The following VNN2 variants were observed in gnomAD, a reference collection of about 807,000 sequenced individuals.
VNN2 encodes pantetheine hydrolase VNN2.
VNN2 carries 43 observed loss-of-function variants against 43.0 expected under a neutral mutation model. The observed-to-expected ratio is 1.00, with a 90% CI of 0.78 to 1.29. The LOEUF (loss-of-function observed/expected upper bound fraction) is 1.29, where lower values mean the gene tolerates loss of function less well. Ranked by LOEUF, VNN2 falls within the 50% of genes most tolerant of loss-of-function variation. The pLI is 0.00. For synonymous variants in VNN2, 230 were observed against 224.3 expected, an observed-to-expected ratio of 1.03 and a Z score of -0.23; for missense variants, 652 against 619.7, an observed-to-expected ratio of 1.05 and a Z score of -0.55.
upstream of VNN2, among the ~76,000 whole-genome samples, chr6:132,759,438 C>CAAAAAAAAAAAAAAAA (rs58195059): frequency 8.7e-5 from 6 of 69,162 alleles, no homozygotes; most frequent in African/African-American, 2.5e-4. Flanking sequence ...AACTCCGTCT[C>CAAAAAAAAAAAAAAAA]AAAAAAAAAA....
intron 5 of VNN2, among the ~76,000 whole-genome samples, chr6:132,750,698 G>A (rs997658968): frequency 2.0e-5 from 3 of 149,078 alleles, no homozygotes; most frequent in African/African-American, 7.4e-5. Context: ...AAAAGAAAAA[G>A]AAAGCTATAC....
chr6:132,759,254 T>C (rs539324364), upstream of VNN2, among the ~76,000 whole-genome samples: 1 of 151,574 alleles, frequency 6.6e-6, no homozygotes, highest in East Asian at 2.0e-4. Flanking sequence ...CTGGCCAACA[T>C]AGTGGAACCC....
intron 6 of VNN2, among the ~76,000 whole-genome samples, chr6:132,747,442 C>G (rs34925225): frequency 6.6e-6 from 1 of 151,834 alleles, no homozygotes; most frequent in Non-Finnish European, 1.5e-5. Context: ...TATGGTGAAA[C>G]CCCATCTCCA....
At chr6:132,759,648 T>A (rs1180345989), upstream of VNN2, among the ~76,000 whole-genome samples, 1 of 152,164 alleles carries the variant, frequency 6.6e-6, no homozygotes, top group African/African-American at 2.4e-5. Context: ...AAGTTTATTC[T>A]GTGCTTTCCT....
upstream of VNN2, among the ~76,000 whole-genome samples, chr6:132,760,321 C>T (rs541164326): frequency 7.2e-5 from 11 of 152,188 alleles, no homozygotes; most frequent in African/African-American, 2.2e-4. Context: ...ACACCAGGTA[C>T]GCACCAACAT....
At chr6:132,749,235 T>C (rs1033276376) in intron 6 of VNN2, among the ~76,000 whole-genome samples, 3 of 152,334 alleles carry the variant, frequency 2.0e-5, no homozygotes, top group Admixed American at 1.3e-4. Flanking sequence ...CCACTGCTCA[T>C]GTAACTTCCT....
Position 132,752,753 on chromosome 6 carries a change from C to T in VNN2, c.538-4G>A. On this transcript the variant is annotated splice_polypyrimidine_tract_variant and splice_region_variant and intron_variant, in intron 3 of 6. Transcript: ENST00000326499. ...GAGGCTCAGAGTACAGGTGGTACTA[C>T]AACAAATGGATAGGAGAAAACCAGT... 3 of 1,608,688 alleles carry T rather than the reference C, an allele frequency of 1.9e-6. No individual in the cohort carries two copies. The highest frequency in any genetic ancestry group is 1.7e-6 in the Non-Finnish European group (2 of 1,177,504).
chr6:132,753,978 AG>A (rs1780299852), intron 3 of VNN2: 3 of 144,856 alleles, frequency 2.1e-5, no homozygotes, highest in East Asian at 2.0e-4. Flanking sequence ...AAAAAAAAAA[AG>A]GAATTGATCG....
In VNN2 at chr6:132,744,641, C is replaced by T. The variant is rs1779615789; in HGVS notation, c.1372-150G>A. On this transcript the variant is annotated intron_variant, in intron 6 of 6. Transcript: ENST00000326499. ...GCAAGTAGGCCAGGCAGGGGACAGC[C>T]ATTTACTACATAATGAAGACTAGAG... The T allele has an allele frequency of 2.2e-5, 15 of 692,084 alleles. No homozygotes were observed. In the South Asian group the frequency reaches 3.9e-4, roughly 18 times the overall value. The allele number at this position is 692,084 out of a possible 1,614,324, so 42.9% of individuals were successfully genotyped here.
chr6:132,751,067 G>A, intron 5 of VNN2, 78 bp downstream of exon 5: 1 of 1,514,096 alleles, frequency 6.6e-7, no homozygotes, highest in Non-Finnish European at 8.8e-7. Flanking sequence ...AAAGCACCTG[G>A]TTTTCTGGAA....
At chr6:132,751,574 C>A in intron 4 of VNN2, 56 bp from the exon 5 acceptor site, 4 of 1,543,338 alleles carry the variant, frequency 2.6e-6, no homozygotes, top group Non-Finnish European at 3.5e-6. Context: ...AAAACCAAAA[C>A]TGCCAATTTC....
At chr6:132,746,271 T>C (rs1029529733) in intron 6 of VNN2, among the ~76,000 whole-genome samples, 1 of 152,232 alleles carries the variant, frequency 6.6e-6, no homozygotes, top group East Asian at 1.9e-4. Context: ...ACTAAAGTGG[T>C]GGTGGGGGTT....
chr6:132,746,982 C>A (rs920974844), intron 6 of VNN2, among the ~76,000 whole-genome samples: 1 of 152,088 alleles, frequency 6.6e-6, no homozygotes, highest in East Asian at 1.9e-4. Context: ...TTCCAAAGAC[C>A]CTCCCTGCCA....
At chr6:132,762,808 A>G (rs553030481), upstream of VNN2, among the ~76,000 whole-genome samples, 2 of 152,336 alleles carry the variant, frequency 1.3e-5, no homozygotes, top group African/African-American at 2.4e-5. Flanking sequence ...GCCAATCATC[A>G]CTGTTTTTGA....
chr6:132,753,610 G>GA (rs1256072352), intron 3 of VNN2: 2 of 306,480 alleles, frequency 6.5e-6, no homozygotes, highest in African/African-American at 4.4e-5. Flanking sequence ...CTGCAGTGTA[G>GA]AAAAAATATC....
At chr6:132,752,789 T>G (rs1562247652) in intron 3 of VNN2, 40 bp from the exon 4 acceptor site, 8 of 1,566,878 alleles carry the variant, frequency 5.1e-6, no homozygotes, top group East Asian at 2.2e-5. Context: ...AAAACCTTAT[T>G]TGTTGAAGAA....
chr6:132,763,220 G>T (rs9321367), intron 1 of VNN2, among the ~76,000 whole-genome samples: 19,742 of 150,644 alleles, frequency 0.13, 1,639 homozygotes, highest in African/African-American at 0.24. Context: ...CATGGAAATC[G>T]CAGACTTAAA....
At position 132,752,627 on chromosome 6, in the gene VNN2, A is replaced by G; in HGVS notation, c.660T>C (p.Gly220=). 6 of 1,614,210 alleles carry G rather than the reference A, an allele frequency of 3.7e-6. No individual in the cohort carries two copies. The highest frequency in any genetic ancestry group is 5.1e-6 in the Non-Finnish European group (6 of 1,180,038). Residue 220 remains glycine (G), a synonymous_variant, in exon 4 of 7, where the codon GGT becomes GGC. Coordinates refer to ENST00000326499, the MANE Select transcript of VNN2 (RefSeq NM_004665.6). ...CATGGAAATCTTTCACCAGGGTAAC[A>G]CCAGGATCATAGAAGAATATATCAA... The part of the protein sequence containing the change: ...TCFDIFFYDP[G]VTLVKDFHVD...
upstream of VNN2, among the ~76,000 whole-genome samples, chr6:132,762,005 T>C (rs1780749877): frequency 6.6e-6 from 1 of 152,232 alleles, no homozygotes; most frequent in Non-Finnish European, 1.5e-5. Context: ...GACTGCTTAA[T>C]ATTATTTCAT....
Sources: allele counts gnomAD v4.1 joint callset (sites outside exome capture counted in the v4.1 genomes callset), GRCh38; gene constraint gnomAD v4.1.1; transcripts MANE v1.5; gene names NCBI Gene and HGNC (gene_info 2026-07-23, HGNC 2026-07-21).